The following MYL5 variants were observed in gnomAD, a reference collection of about 807,000 sequenced individuals.
MYL5 encodes myosin light chain 5.
In MYL5, 28 loss-of-function variants were observed where a neutral mutation model predicts 20.8. The observed-to-expected ratio is 1.35, with a 90% confidence interval of 1.00 to 1.84. The LOEUF is 1.84. MYL5 is among the 40% of genes most tolerant of loss of function. The pLI, the probability that MYL5 is intolerant of heterozygous loss-of-function variation, is 0.00. For missense variants in MYL5, 274 were observed against 227.3 expected (o/e 1.21, Z -1.32); for synonymous variants, 118 against 87.4 (o/e 1.35, Z -1.95).
At chr4:676,666 GCCTCCCAACCATGCTT>G (rs774457331), upstream of MYL5, among the ~76,000 whole-genome samples, 74 of 152,258 alleles carry the variant, frequency 4.9e-4, no homozygotes, top group Non-Finnish European at 8.2e-4. Context: ...GCCTCGGGGG[GCCTCCCAACCATGCTT>G]CCCCCCTCGG....
exon 5 of MYL5, chr4:680,567 A>G (rs1215055139): frequency 6.2e-7 from 1 of 1,613,434 alleles, no homozygotes; most frequent in Non-Finnish European, 8.5e-7. Flanking sequence ...CGGACGGGAA[A>G]GGGAAAATCA....
At chr4:678,764 A>G in exon 2 of MYL5, 1 of 1,610,036 alleles carries the variant, frequency 6.2e-7, no homozygotes, top group Non-Finnish European at 8.5e-7. Context: ...GAGTTCAAGG[A>G]GGTGAGACTT....
Position 677,991 on chromosome 4 carries a change from C to T in MYL5, c.-36C>T, listed in dbSNP as rs776846227. 3.7e-6 allele frequency: 6 copies of T among 1,613,334 alleles called. No homozygotes were observed. In the East Asian group the frequency reaches 8.9e-5, roughly 24 times the overall value. On this transcript the variant is annotated 5_prime_UTR_variant, in exon 1 of 7. Transcript: ENST00000400159. ...AGCTTAAGATGGGCAAGACCTGGGGCCCTGGGCAGACGCATCAAAGCAGGC... is the reference window on the plus strand; with the variant it reads ...AGCTTAAGATGGGCAAGACCTGGGGTCCTGGGCAGACGCATCAAAGCAGGC...
chr4:678,629 G>T, intron 1 of MYL5, 29 bp from the exon 4 acceptor site: 1 of 1,585,668 alleles, frequency 6.3e-7, no homozygotes, highest in Non-Finnish European at 8.6e-7. Context: ...GCCAGCCCAG[G>T]ACCCTCAGCC....
chr4:680,556 C>G (rs988622311), exon 5 of MYL5: 2 of 1,613,518 alleles, frequency 1.2e-6, no homozygotes, highest in Non-Finnish European at 1.7e-6. Flanking sequence ...GATGCTGGAC[C>G]CGGACGGGAA....
At chr4:678,889 AC>A in intron 2 of MYL5, 68 bp from the exon 5 acceptor site, 1 of 1,606,696 alleles carries the variant, frequency 6.2e-7, no homozygotes. Flanking sequence ...GTGCTGAGGA[AC>A]CGGGAGCAGG....
Position 678,783 on chromosome 4 carries a change from C to G in MYL5, c.111+18C>G, listed in dbSNP as rs1043731249. 5.6e-6 allele frequency: 9 copies of G among 1,607,690 alleles called. No individual in the cohort carries two copies. The South Asian group carries it at 8.8e-5, about 16-fold the overall frequency. ...TCAAGGAGGTGAGACTTTCCTGCTTCACTGGGAGCCCCCACCCCCAGGAGC... is the reference window on the plus strand; with the variant it reads ...TCAAGGAGGTGAGACTTTCCTGCTTGACTGGGAGCCCCCACCCCCAGGAGC... On this transcript the variant is annotated intron_variant, in intron 2 of 6. Coordinates refer to ENST00000400159, the Ensembl canonical transcript of MYL5.
exon 7 of MYL5, chr4:681,938 C>T (rs781588153): frequency 7.5e-7 from 1 of 1,332,634 alleles, no homozygotes; most frequent in South Asian, 2.4e-5. Context: ...GGCGGGCAAC[C>T]TGGACTACAA....
At chr4:678,900 GGGGCGGGGCAGA>G (rs2109335949) in intron 2 of MYL5, 46 bp from the exon 5 acceptor site, 2 of 1,607,774 alleles carry the variant, frequency 1.2e-6, no homozygotes, top group East Asian at 4.5e-5. Context: ...CCGGGAGCAG[GGGGCGGGGCAGA>G]GCCCAGCCGG....
At chr4:680,316 C>T (rs1184237442) in intron 4 of MYL5, among the ~76,000 whole-genome samples, 193 bp from the exon 7 acceptor site, 1 of 152,174 alleles carries the variant, frequency 6.6e-6, no homozygotes, top group East Asian at 1.9e-4. Flanking sequence ...CACTACACCC[C>T]AGGGCAGGAG....
At chr4:675,813 A>C (rs1738791916), upstream of MYL5, 1 of 152,246 alleles carries the variant, frequency 6.6e-6, no homozygotes, top group African/African-American at 2.4e-5. Context: ...AGGAGCGTGA[A>C]CCCTACTGTG....
exon 6 of MYL5, chr4:681,140 G>C (rs1463306583): frequency 1.2e-6 from 2 of 1,604,600 alleles, no homozygotes; most frequent in Non-Finnish European, 1.7e-6. Context: ...CGGCGGAAGA[G>C]GTCTGGCCCG....
chr4:678,945 C>A lies in MYL5; in HGVS notation c.112-13C>A, dbSNP rs532289059. 5.9e-4 allele frequency: 960 copies of A among 1,613,660 alleles called. 15 individuals are homozygous for A. In the South Asian group the frequency reaches 9.9e-3, roughly 17 times the overall value. On this transcript the variant is annotated splice_polypyrimidine_tract_variant and intron_variant, in intron 2 of 6. Transcript: ENST00000400159. ...CGGGTTGGCAGCACAGCAGCCCTGA[C>A]CTTGGTCCCCAGGCATTCACACTCA...
At chr4:675,604 A>C (rs1415708578), upstream of MYL5, 1 of 152,622 alleles carries the variant, frequency 6.6e-6, no homozygotes, top group Admixed American at 6.5e-5. Context: ...CTGGCTGAGA[A>C]ACTAGGAAGT....
At position 681,879 on chromosome 4, in the gene MYL5, G is replaced by T; in HGVS notation, c.421-14G>T. ...CCCGGAGCCCGCAAGGAGCCCTTTCGCCCCCGCCCGCAGGTGGACCAGATG... is the reference window on the plus strand; with the variant it reads ...CCCGGAGCCCGCAAGGAGCCCTTTCTCCCCCGCCCGCAGGTGGACCAGATG... On this transcript the variant is annotated splice_polypyrimidine_tract_variant and intron_variant, in intron 6 of 6. Coordinates refer to ENST00000400159, the Ensembl canonical transcript of MYL5. The T allele has an allele frequency of 7.6e-7, 1 of 1,312,058 alleles. No homozygotes were observed. The highest frequency in any genetic ancestry group is 1.5e-5 in the African/African-American group (1 of 66,144). The allele number at this position is 1,312,058 out of a possible 1,614,324, so 81.3% of individuals were successfully genotyped here.
In MYL5 at chr4:679,003, G is replaced by T. The variant is rs1216174398; in HGVS notation, c.157G>T (p.Glu53Ter). Reference sequence around the variant, plus strand: ...GAACCGAGATGGCTTCATTGACAAGGAGGACCTGAAGGACACCTATGCCTC... The same window carrying T: ...GAACCGAGATGGCTTCATTGACAAGTAGGACCTGAAGGACACCTATGCCTC... The change falls in exon 3 of 7, where the codon GAG becomes TAG. Residue 53 changes from glutamate (E) to a stop codon, truncating the protein, a stop_gained. Coordinates refer to ENST00000400159, the Ensembl canonical transcript of MYL5. LOFTEE classifies it high-confidence loss of function. 3.1e-6 allele frequency: 5 copies of T among 1,613,698 alleles called. No individual in the cohort carries two copies. Among genetic ancestry groups the T allele is most frequent in the East Asian group, 2.2e-5 (1 of 44,886 alleles).
intron 6 of MYL5, 131 bp from the exon 9 acceptor site, chr4:681,762 C>A: frequency 8.5e-7 from 1 of 1,177,786 alleles, no homozygotes; most frequent in Non-Finnish European, 1.1e-6. Context: ...CCAGCGCCGC[C>A]CTCACCCCGC....
intron 6 of MYL5, among the ~76,000 whole-genome samples, 196 bp downstream of exon 8, chr4:681,336 A>ACCCCT (rs1739479571): frequency 6.7e-6 from 1 of 149,450 alleles, no homozygotes; most frequent in Admixed American, 6.6e-5. Context: ...GCGGTTGGAG[A>ACCCCT]CCCCTCCCCT....
At chr4:679,155 A>ACGGCC (rs1292783425) in intron 3 of MYL5, 122 bp downstream of exon 5, 4 of 927,078 alleles carry the variant, frequency 4.3e-6, no homozygotes, top group Non-Finnish European at 6.9e-6. Flanking sequence ...AGGCCCACCA[A>ACGGCC]CGGCCCTGAA....
Sources: allele counts gnomAD v4.1 joint callset (sites outside exome capture counted in the v4.1 genomes callset), GRCh38; gene constraint gnomAD v4.1.1; transcripts MANE v1.5; gene names NCBI Gene and HGNC (gene_info 2026-07-23, HGNC 2026-07-21).